Variants in FBXL7 observed in about 807,000 individuals in gnomAD.
FBXL7 encodes the protein F-box and leucine rich repeat protein 7, also known as F-box/LRR-repeat protein 7.
A neutral mutation model predicts 38.3 loss-of-function variants in FBXL7; 12 were observed. The ratio of observed to expected loss-of-function variants is 0.31; its 90% CI spans 0.20 to 0.51. The LOEUF (loss-of-function observed/expected upper bound fraction) is 0.51. Among genes scored for constraint, FBXL7 ranks in the 20% least tolerant of loss-of-function variants. FBXL7 has a pLI of 0.98. For synonymous variants in FBXL7, 297 were observed against 300.9 expected, an observed-to-expected ratio of 0.99 and a Z score of 0.13; for missense variants, 567 against 676.4, an observed-to-expected ratio of 0.84 and a Z score of 1.79.
chr5:15,854,684 G>T (rs1712860502), intron 2 of FBXL7, among the ~76,000 whole-genome samples: 1 of 152,118 alleles, frequency 6.6e-6, no homozygotes, highest in Non-Finnish European at 1.5e-5. Flanking sequence ...CCCACCTGTT[G>T]CAGGCTCATG....
At chr5:15,874,495 C>A (rs1740115865) in intron 2 of FBXL7, among the ~76,000 whole-genome samples, 1 of 152,132 alleles carries the variant, frequency 6.6e-6, no homozygotes, top group African/African-American at 2.4e-5. Context: ...TTGCAGATGA[C>A]ATGATTTTAT....
At chr5:15,739,470 C>T (rs1447861701) in intron 2 of FBXL7, among the ~76,000 whole-genome samples, 2 of 152,158 alleles carry the variant, frequency 1.3e-5, no homozygotes, top group African/African-American at 2.4e-5. Flanking sequence ...AATTGTACAA[C>T]CGTCACCACA....
intron 2 of FBXL7, among the ~76,000 whole-genome samples, chr5:15,666,251 T>C (rs1742272707): frequency 6.6e-6 from 1 of 152,214 alleles, no homozygotes; most frequent in Non-Finnish European, 1.5e-5. Context: ...TATTTTTAAA[T>C]GTTTATTATA....
At chr5:15,641,511 T>TG in intron 2 of FBXL7, among the ~76,000 whole-genome samples, 1 of 152,166 alleles carries the variant, frequency 6.6e-6, no homozygotes, top group African/African-American at 2.4e-5. Flanking sequence ...CATTTTTTTT[T>TG]TTTTTTGGTG....
chr5:15,566,889 A>G (rs1252383926), intron 1 of FBXL7, among the ~76,000 whole-genome samples: 1 of 152,076 alleles, frequency 6.6e-6, no homozygotes, highest in Non-Finnish European at 1.5e-5. Context: ...TTGTACCTGT[A>G]GAAAGATTGT....
At chr5:15,679,511 C>T (rs1189009204) in intron 2 of FBXL7, among the ~76,000 whole-genome samples, 1 of 148,826 alleles carries the variant, frequency 6.7e-6, no homozygotes, top group East Asian at 2.0e-4. Context: ...ACTGTCTCTA[C>T]ATTAATTTAC....
chr5:15,879,034 CTT>C (rs1740329774), intron 2 of FBXL7, among the ~76,000 whole-genome samples: 1 of 152,118 alleles, frequency 6.6e-6, no homozygotes, highest in Admixed American at 6.5e-5. Flanking sequence ...TGGGACCAGA[CTT>C]GGATAGTTTT....
chr5:15,895,633 CTTTTTT>C (rs903652361), intron 2 of FBXL7, among the ~76,000 whole-genome samples: 4 of 98,076 alleles, frequency 4.1e-5, no homozygotes, highest in East Asian at 3.2e-4. Flanking sequence ...CTTTTTCATA[CTTTTTT>C]TTTTTTTTTT....
At chr5:15,877,092 C>T (rs1213103022) in intron 2 of FBXL7, among the ~76,000 whole-genome samples, 2 of 152,174 alleles carry the variant, frequency 1.3e-5, no homozygotes, top group African/African-American at 2.4e-5. Context: ...TAGCTAGTTA[C>T]TACCAAAGAC....
intron 2 of FBXL7, among the ~76,000 whole-genome samples, chr5:15,730,968 A>G (rs1735567291): frequency 6.6e-6 from 1 of 152,204 alleles, no homozygotes; most frequent in Non-Finnish European, 1.5e-5. Context: ...TGAAGATGTT[A>G]ACAGGTGTTT....
At chr5:15,505,460 G>A (rs1407867222) in intron 1 of FBXL7, among the ~76,000 whole-genome samples, 1 of 152,082 alleles carries the variant, frequency 6.6e-6, no homozygotes, top group Non-Finnish European at 1.5e-5. Flanking sequence ...AGGACTCATA[G>A]ATTCTTAGGA....
At chr5:15,661,724 G>A (rs1294186032) in intron 2 of FBXL7, among the ~76,000 whole-genome samples, 1 of 152,040 alleles carries the variant, frequency 6.6e-6, no homozygotes, top group Non-Finnish European at 1.5e-5. Flanking sequence ...ATAGGTCCAA[G>A]CTTTGTGTTC....
chr5:15,775,511 C>T (rs1489943238), intron 2 of FBXL7, among the ~76,000 whole-genome samples: 1 of 152,048 alleles, frequency 6.6e-6, no homozygotes, highest in Non-Finnish European at 1.5e-5. Flanking sequence ...CTTTTGATAC[C>T]TGCCCATATC....
chr5:15,651,969 C>G (rs1741722719), intron 2 of FBXL7, among the ~76,000 whole-genome samples: 1 of 152,224 alleles, frequency 6.6e-6, no homozygotes. Flanking sequence ...TCTACAACAG[C>G]ATTTGCTGCT....
At chr5:15,780,746 C>A (rs970790944) in intron 2 of FBXL7, among the ~76,000 whole-genome samples, 1 of 152,094 alleles carries the variant, frequency 6.6e-6, no homozygotes, top group African/African-American at 2.4e-5. Context: ...TAAATTAATG[C>A]AGTTTTACTA....
intron 2 of FBXL7, among the ~76,000 whole-genome samples, chr5:15,784,012 G>A (rs1460108697): frequency 6.6e-6 from 1 of 152,268 alleles, no homozygotes; most frequent in South Asian, 2.1e-4. Flanking sequence ...TAGCATGGTG[G>A]CCCCAATGAG....
chr5:15,742,287 T>C (rs1371580182), intron 2 of FBXL7, among the ~76,000 whole-genome samples: 1 of 152,192 alleles, frequency 6.6e-6, no homozygotes, highest in Non-Finnish European at 1.5e-5. Flanking sequence ...TTTTAAAATA[T>C]AGAGTCTGGG....
intron 2 of FBXL7, among the ~76,000 whole-genome samples, chr5:15,927,209 C>CT (rs1356135522): frequency 3.3e-5 from 5 of 152,118 alleles, no homozygotes; most frequent in African/African-American, 1.2e-4. Flanking sequence ...TGTTTACACT[C>CT]TGTTTGTGGT....
intron 2 of FBXL7, among the ~76,000 whole-genome samples, chr5:15,895,275 TA>T (rs1166976018): frequency 1.3e-5 from 2 of 152,192 alleles, no homozygotes; most frequent in Admixed American, 6.5e-5. Flanking sequence ...TTTTTGATAT[TA>T]TTTCCTGAAT....
Sources: allele counts gnomAD v4.1 joint callset (sites outside exome capture counted in the v4.1 genomes callset), GRCh38; gene constraint gnomAD v4.1.1; transcripts MANE v1.5; gene names NCBI Gene and HGNC (gene_info 2026-07-23, HGNC 2026-07-21).